The following TNS1 variants were observed in gnomAD, a reference collection of about 807,000 sequenced individuals.
The protein encoded by TNS1 is tensin-1.
In TNS1, 62 loss-of-function variants were observed where a neutral mutation model predicts 168.6. The ratio of observed to expected loss-of-function variants is 0.37; its 90% confidence interval spans 0.30 to 0.45. The LOEUF is 0.45. Among genes scored for constraint, TNS1 ranks in the 20% least tolerant of loss-of-function variants. TNS1 has a pLI of 1.00. For synonymous variants in TNS1, 934 were observed against 933.2 expected (o/e 1.00, Z -0.02); for missense variants, 2,240 against 2,339.4 (o/e 0.96, Z 0.88).
rs1958689294 is a variant in TNS1, at chr2:218,009,701, A to G, written c.96+399T>C. ...CTCGGTGGCTTCTGGGGATCGGGGGACAGGGGGCATTTCCAGGAACCCACC... is the reference window on the plus strand; with the variant it reads ...CTCGGTGGCTTCTGGGGATCGGGGGGCAGGGGGCATTTCCAGGAACCCACC... On this transcript the variant is annotated intron_variant, in intron 1 of 32. Coordinates refer to the TNS1 transcript ENST00000646520. Among the ~76,000 whole-genome samples the G allele has an allele frequency of 1.3e-5, 2 of 152,034 alleles. 1 individual carries two copies. The highest frequency in any genetic ancestry group is 4.2e-4 in the South Asian group (2 of 4,800).
In TNS1 at chr2:217,807,596, G is replaced by A. The variant is rs144051981; in HGVS notation, c.5375+479C>T. On this transcript the variant is annotated intron_variant, in intron 32 of 32. Transcript: ENST00000682258. ...GCCCCTAGGACATGTCTGCTGGATG[G>A]AGGAATCCACCCGAAGGTCCCAGGG... Among the ~76,000 whole-genome samples, 203 of 152,308 alleles carry A rather than the reference G, an allele frequency of 1.3e-3. 3 individuals carry two copies. The East Asian group carries it at 0.036, about 27-fold the overall frequency.
At chr2:217,911,279 C>T (rs978620440) in intron 4 of TNS1, among the ~76,000 whole-genome samples, 1 of 152,222 alleles carries the variant, frequency 6.6e-6, no homozygotes, top group Non-Finnish European at 1.5e-5. Flanking sequence ...GAACCTATCA[C>T]TACCTGAAAA....
intron 18 of TNS1, among the ~76,000 whole-genome samples, chr2:217,868,724 C>A (rs1031863120): frequency 2.0e-5 from 3 of 152,224 alleles, no homozygotes; most frequent in Non-Finnish European, 4.4e-5. Context: ...CCAAGGTCAA[C>A]AAAAGGCAAG....
chr2:217,912,409 C>G (rs191954961), intron 4 of TNS1, among the ~76,000 whole-genome samples: 1 of 151,814 alleles, frequency 6.6e-6, no homozygotes, highest in Admixed American at 6.6e-5. Context: ...CCAACTCTCC[C>G]GACTCTTGCC....
intron 2 of TNS1, 138 bp downstream of exon 2, chr2:217,990,804 C>A (rs1391721683): frequency 2.2e-5 from 5 of 222,376 alleles, no homozygotes; most frequent in Non-Finnish European, 2.8e-5. Flanking sequence ...AGCTCAGCAT[C>A]CTCCACCAGA....
At chr2:217,991,861 AGAGATGTGACTATCC>A (rs1958374738) in intron 1 of TNS1, among the ~76,000 whole-genome samples, 1 of 151,834 alleles carries the variant, frequency 6.6e-6, no homozygotes, top group Non-Finnish European at 1.5e-5. Context: ...ATGAAAACAC[AGAGATGTGACTATCC>A]TTTTCTAAAT....
At chr2:217,972,117 G>A (rs1957786026) in intron 3 of TNS1, among the ~76,000 whole-genome samples, 1 of 152,128 alleles carries the variant, frequency 6.6e-6, no homozygotes. Context: ...CATTTTAGTA[G>A]GGTTACCATT....
intron 1 of TNS1, among the ~76,000 whole-genome samples, chr2:218,031,935 C>T (rs1380757278): frequency 6.6e-6 from 1 of 152,240 alleles, no homozygotes; most frequent in Non-Finnish European, 1.5e-5. Context: ...CCCACTGCTC[C>T]CGCCCCATCC....
At chr2:217,990,624 C>T (rs1312735761) in intron 2 of TNS1, among the ~76,000 whole-genome samples, 2 of 152,222 alleles carry the variant, frequency 1.3e-5, no homozygotes, top group Non-Finnish European at 2.9e-5. Context: ...ACTAATCATG[C>T]ATCTTCCACA....
intron 22 of TNS1, among the ~76,000 whole-genome samples, chr2:217,824,120 T>C (rs368495046): frequency 1.2e-4 from 18 of 152,350 alleles, no homozygotes; most frequent in African/African-American, 2.9e-4. Flanking sequence ...ACAGCTTACA[T>C]AGACAACAGG....
At chr2:217,821,976 T>G (rs1942933384) in intron 22 of TNS1, 38 bp from the exon 23 acceptor site, 3 of 1,540,318 alleles carry the variant, frequency 1.9e-6, no homozygotes, top group Admixed American at 4.1e-5. Context: ...TGAGCACAGA[T>G]GCACAGGGGT....
At chr2:217,806,177 C>G (rs1939026884) in intron 32 of TNS1, among the ~76,000 whole-genome samples, 1 of 152,212 alleles carries the variant, frequency 6.6e-6, no homozygotes, top group South Asian at 2.1e-4. Flanking sequence ...CCGAGCCTGC[C>G]CTCCCCTGAT....
intron 28 of TNS1, among the ~76,000 whole-genome samples, chr2:217,811,551 A>G (rs544336673): frequency 6.6e-6 from 1 of 152,262 alleles, no homozygotes; most frequent in South Asian, 2.1e-4. Flanking sequence ...AGCGCTTCTG[A>G]AGGTCCTATT....
intron 3 of TNS1, among the ~76,000 whole-genome samples, chr2:217,964,078 T>A (rs1957565429): frequency 6.6e-6 from 1 of 152,060 alleles, no homozygotes; most frequent in Admixed American, 6.5e-5. Flanking sequence ...ACATTCAAAT[T>A]GTCTTCCCTG....
chr2:217,967,270 G>C (rs893024856), intron 3 of TNS1, among the ~76,000 whole-genome samples: 2 of 152,084 alleles, frequency 1.3e-5, no homozygotes, highest in Non-Finnish European at 2.9e-5. Context: ...GCAGTGAGCC[G>C]AGATCAAGCC....
intron 18 of TNS1, among the ~76,000 whole-genome samples, chr2:217,865,943 C>G (rs1226594987): frequency 6.6e-6 from 1 of 152,206 alleles, no homozygotes; most frequent in Non-Finnish European, 1.5e-5. Flanking sequence ...TGTCCACAAG[C>G]CATGGTCACT....
intron 32 of TNS1, 40 bp downstream of exon 32, chr2:217,808,035 A>T: frequency 6.2e-7 from 1 of 1,612,296 alleles, no homozygotes; most frequent in South Asian, 1.1e-5. Flanking sequence ...GTGAAGTACA[A>T]AGGCCAGCCT....
At chr2:217,805,460 A>ACACCACCACACACCACACACG (rs1938378310) in intron 32 of TNS1, among the ~76,000 whole-genome samples, 1 of 98,606 alleles carries the variant, frequency 1.0e-5, no homozygotes, top group Non-Finnish European at 2.1e-5. Context: ...ACCATCACAC[A>ACACCACCACACACCACACACG]CACCACCACA....
rs1487794127 is a variant in TNS1 at position 217,986,882 on chromosome 2, A to G, written c.148+4060T>C. Reference sequence around the variant, plus strand: ...CAGGACCTGGCACAGCATCTGACCCAGAGGACAGCTCAGTTCATGATTGCC... The same window carrying G: ...CAGGACCTGGCACAGCATCTGACCCGGAGGACAGCTCAGTTCATGATTGCC... On this transcript the variant is annotated intron_variant, in intron 2 of 32. Coordinates refer to ENST00000682258, the MANE Select transcript of TNS1 (RefSeq NM_001387777.1). The surrounding 1 kb of genome is among the most constrained non-coding windows in gnomAD (Gnocchi z 4.7). 1 of 152,272 alleles carries G rather than the reference A, an allele frequency of 6.6e-6. No homozygotes were observed. Among genetic ancestry groups the G allele is most frequent in the Non-Finnish European group, 1.5e-5 (1 of 68,066 alleles). 9.4% of individuals were successfully genotyped at this position (152,272 alleles called of 1,614,324 possible).
Sources: allele counts gnomAD v4.1 joint callset (sites outside exome capture counted in the v4.1 genomes callset), GRCh38; gene constraint gnomAD v4.1.1; non-coding constraint Gnocchi (gnomAD v3.1); transcripts MANE v1.5; gene names NCBI Gene and HGNC (gene_info 2026-07-23, HGNC 2026-07-21).